DGKZ: variants seen among roughly 807,000 people sequenced by gnomAD.
DGKZ encodes the protein diacylglycerol kinase zeta, also known as DAG kinase zeta.
In DGKZ, 45 loss-of-function variants were observed where a neutral mutation model predicts 142.5. The ratio of observed to expected loss-of-function variants is 0.32; its 90% confidence interval spans 0.25 to 0.40. The LOEUF is 0.40. DGKZ is among the 10% of genes least tolerant of loss of function. The pLI is 1.00. For missense variants in DGKZ, 755 were observed against 1,306.5 expected, an observed-to-expected ratio of 0.58 and a Z score of 6.51; for synonymous variants, 442 against 527.0, an observed-to-expected ratio of 0.84 and a Z score of 2.21.
chr11:46,350,431 C>A (rs1026735042), intron 1 of DGKZ, among the ~76,000 whole-genome samples: 2 of 152,232 alleles, frequency 1.3e-5, no homozygotes, highest in Non-Finnish European at 2.9e-5. Context: ...CTTATCCCAG[C>A]TCCATGCTAG....
intron 1 of DGKZ, among the ~76,000 whole-genome samples, chr11:46,349,752 A>C (rs1941131537): frequency 6.6e-6 from 1 of 152,208 alleles, no homozygotes; most frequent in East Asian, 1.9e-4. Flanking sequence ...GGATTTGCTC[A>C]GAGTCACATA....
At chr11:46,346,348 T>C (rs1432098075), upstream of DGKZ, among the ~76,000 whole-genome samples, 1 of 152,040 alleles carries the variant, frequency 6.6e-6, no homozygotes, top group Admixed American at 6.6e-5. Flanking sequence ...TGGTAGGGTT[T>C]GGGGAGGTGG....
intron 21 of DGKZ, 22 bp downstream of exon 21, chr11:46,375,973 G>A: frequency 6.2e-7 from 1 of 1,611,516 alleles, no homozygotes; most frequent in Non-Finnish European, 8.5e-7. Context: ...GGGGCGGCCT[G>A]GCAGGGTGGC....
chr11:46,351,955 G>A (rs1199018188), intron 1 of DGKZ, among the ~76,000 whole-genome samples: 3 of 152,306 alleles, frequency 2.0e-5, no homozygotes, highest in Non-Finnish European at 4.4e-5. Context: ...CAGGATTCTC[G>A]GTTGGCACAG....
chr11:46,348,024 G>T (rs552423462), intron 1 of DGKZ, among the ~76,000 whole-genome samples: 15 of 152,270 alleles, frequency 9.9e-5, no homozygotes, highest in African/African-American at 3.4e-4. Context: ...GGGCGGGATC[G>T]GTCGGCTTGG....
At position 46,364,432 on chromosome 11, in the gene DGKZ, C is replaced by A; in HGVS notation, c.162-2859C>A. The A allele has an allele frequency of 6.2e-6, 8 of 1,286,286 alleles. No individual in the cohort carries two copies. In the South Asian group the frequency reaches 9.9e-5, roughly 16 times the overall value. 79.7% of individuals were successfully genotyped at this position (1,286,286 alleles called of 1,614,324 possible). A position where few individuals can be genotyped will look rare whatever the true frequency, so the allele number is the denominator to read the frequency against. On this transcript the variant is annotated intron_variant, in intron 1 of 30. Transcript: ENST00000527911. The stretch of plus-strand genomic sequence containing the variant: ...GAGACCCAGCGCTCTCCACCCATGC[C>A]TGCTGTCCTGCCCCTGCAGCTCCCT...
chr11:46,376,656 G>T (rs963585276), intron 24 of DGKZ, 92 bp downstream of exon 24: 5 of 1,517,710 alleles, frequency 3.3e-6, no homozygotes, highest in Non-Finnish European at 4.5e-6. Context: ...TCCCCCGATG[G>T]GCTCACCTCT....
At position 46,347,470 on chromosome 11, in the gene DGKZ, C is replaced by A. The variant is rs1362870669; in HGVS notation, c.-190C>A. 1 of 982,524 alleles carries A rather than the reference C, an allele frequency of 1.0e-6. No homozygotes were observed. Among genetic ancestry groups the A allele is most frequent in the South Asian group, 4.5e-5 (1 of 22,112 alleles). The allele number at this position is 982,524 out of a possible 1,614,324, so 60.9% of individuals were successfully genotyped here. ...CCTGCGGCCGCGGCTGGCGGCACTT[C>A]CTGGAGCGGCGGCGGCAGCGGCTTC... On this transcript the variant is annotated 5_prime_UTR_variant, in exon 1 of 31. Coordinates refer to ENST00000527911, the Ensembl canonical transcript of DGKZ. The surrounding 1 kb of genome is among the most constrained non-coding windows in gnomAD (Gnocchi z 6.4).
At chr11:46,379,767 C>T in intron 30 of DGKZ, 64 bp from the exon 31 acceptor site, 10 of 1,482,570 alleles carry the variant, frequency 6.7e-6, no homozygotes, top group Non-Finnish European at 9.1e-6. Flanking sequence ...GCCCCTGCCT[C>T]TCAGCCTGCT....
At chr11:46,369,385 G>A in intron 4 of DGKZ, 109 bp from the exon 5 acceptor site, 1 of 1,332,140 alleles carries the variant, frequency 7.5e-7, no homozygotes, top group Non-Finnish European at 1.1e-6. Flanking sequence ...CGATTTGGGG[G>A]TATCCCCACC....
At chr11:46,348,375 TTTAA>T (rs1157780625) in intron 1 of DGKZ, among the ~76,000 whole-genome samples, 2 of 152,104 alleles carry the variant, frequency 1.3e-5, no homozygotes, top group Non-Finnish European at 1.5e-5. Context: ...TGGTCACTGG[TTTAA>T]TTGTTTAACA....
At chr11:46,378,623 C>T (rs764460295) in intron 27 of DGKZ, 123 bp downstream of exon 27, 2 of 1,304,186 alleles carry the variant, frequency 1.5e-6, no homozygotes, top group African/African-American at 1.4e-5. Context: ...GTCTGGCCCT[C>T]TGTGGGATCT....
At position 46,371,472 on chromosome 11, in the gene DGKZ, C is replaced by T. The variant is rs756419264; in HGVS notation, c.643-15C>T. On this transcript the variant is annotated splice_polypyrimidine_tract_variant and intron_variant, in intron 7 of 30. Coordinates refer to ENST00000527911, the Ensembl canonical transcript of DGKZ. ...GAACACGGTCCCGCTGAGCCCGGCCCCTCGCTCTCCTCAGTACCACAGCAA... is the reference window on the plus strand; with the variant it reads ...GAACACGGTCCCGCTGAGCCCGGCCTCTCGCTCTCCTCAGTACCACAGCAA... 13 of 1,599,492 alleles carry T rather than the reference C, an allele frequency of 8.1e-6. No homozygotes were observed. Among genetic ancestry groups the T allele is most frequent in the East Asian group, 2.2e-5 (1 of 44,786 alleles).
chr11:46,336,953 C>T (rs7106633), intron 1 of DGKZ, among the ~76,000 whole-genome samples: 14,387 of 152,066 alleles, frequency 0.095, 2,259 homozygotes, highest in African/African-American at 0.33. Flanking sequence ...CACAAGAATT[C>T]GAGGCTGCGG....
chr11:46,361,803 C>A, intron 1 of DGKZ: 1 of 441,170 alleles, frequency 2.3e-6, no homozygotes, highest in Non-Finnish European at 3.0e-6. Flanking sequence ...CGGACCCGGG[C>A]CCCACCATCC....
intron 30 of DGKZ, 27 bp from the exon 31 acceptor site, chr11:46,379,804 G>T: frequency 6.3e-7 from 1 of 1,589,136 alleles, no homozygotes; most frequent in Non-Finnish European, 8.6e-7. Context: ...TCTGGCCCCT[G>T]CTGATCGCAG....
intron 14 of DGKZ, among the ~76,000 whole-genome samples, 184 bp downstream of exon 14, chr11:46,373,285 G>GTTT (rs961769830): frequency 5.8e-4 from 67 of 115,352 alleles, no homozygotes; most frequent in East Asian, 7.3e-4. Context: ...TTTTTTTTTT[G>GTTT]TTTTTTTTTT....
chr11:46,336,546 A>G (rs992405171), intron 1 of DGKZ, among the ~76,000 whole-genome samples: 1 of 152,184 alleles, frequency 6.6e-6, no homozygotes, highest in African/African-American at 2.4e-5. Flanking sequence ...TGAGTGACAC[A>G]GTGAGACCCT....
intron 6 of DGKZ, among the ~76,000 whole-genome samples, chr11:46,370,374 G>A (rs1490619824): frequency 6.6e-6 from 1 of 152,254 alleles, no homozygotes; most frequent in African/African-American, 2.4e-5. Flanking sequence ...GTGGCTTGAA[G>A]CCAGGCTTTC....
Sources: gnomAD v4.1 joint callset for allele counts (sites outside exome capture counted in the v4.1 genomes callset) on GRCh38, gnomAD v4.1.1 for gene constraint, Gnocchi (gnomAD v3.1) non-coding constraint, MANE v1.5 for transcripts, NCBI Gene and HGNC (gene_info 2026-07-23, HGNC 2026-07-21) for gene names.